PDE7B: variants seen among roughly 807,000 people sequenced by gnomAD.
PDE7B encodes phosphodiesterase 7B, also known as 3',5'-cyclic-AMP phosphodiesterase 7B.
PDE7B carries 29 observed loss-of-function variants against 56.2 expected under a neutral mutation model. That is an observed-to-expected ratio of 0.52 (90% confidence interval 0.38 to 0.70). The LOEUF is 0.70. Ranked by LOEUF, PDE7B falls within the 30% of genes least tolerant of loss-of-function variation. The probability of loss-of-function intolerance (pLI) is 0.00; values close to 1 mark genes in which losing one functional copy is unlikely to be tolerated. For missense variants in PDE7B, 490 were observed against 565.0 expected (o/e 0.87, Z 1.35); for synonymous variants, 197 against 196.9 (o/e 1.00, Z 0.00).
chr6:135,922,468 C>T (rs1205368342), intron 1 of PDE7B, among the ~76,000 whole-genome samples: 1 of 152,146 alleles, frequency 6.6e-6, no homozygotes, highest in South Asian at 2.1e-4. Context: ...AAAACAAAAA[C>T]CAGTCTGGGT....
At chr6:136,182,651 T>C (rs1459700590) in intron 11 of PDE7B, among the ~76,000 whole-genome samples, 1 of 152,218 alleles carries the variant, frequency 6.6e-6, no homozygotes, top group Non-Finnish European at 1.5e-5. Context: ...TTGCACCTTA[T>C]TTGGATTCTG....
rs548365734 is a variant in PDE7B, at chr6:135,933,040, GC to G, written c.22-14423del. Among the ~76,000 whole-genome samples, 32 of 152,226 alleles carry G rather than the reference GC, an allele frequency of 2.1e-4. No homozygotes were observed. In the East Asian group the frequency reaches 5.8e-3, roughly 28 times the overall value. The stretch of plus-strand genomic sequence containing the variant: ...TGTTATCTCATTTGATCTCTTAGGG[GC>G]TCTGTCTCCATGGTTTTTGGTGAAA... On this transcript the variant is annotated intron_variant, in intron 1 of 12. Transcript: ENST00000308191.
chr6:136,037,283 C>A, intron 2 of PDE7B: 1 of 313,660 alleles, frequency 3.2e-6, no homozygotes, highest in Non-Finnish European at 4.6e-6. Context: ...TGCCCATACG[C>A]ATGAGGATCT....
rs192655908 is a variant in PDE7B, at chr6:136,057,902, A to G, written c.83-50829A>G. The stretch of plus-strand genomic sequence containing the variant: ...CAGGCGTGCACCACCTCGCCTGACT[A>G]ATTTTTTTATTTTTAGTAGAGACGG... On this transcript the variant is annotated intron_variant, in intron 2 of 12. Coordinates refer to ENST00000308191, the MANE Select transcript of PDE7B (RefSeq NM_018945.4). Among the ~76,000 whole-genome samples, 1,241 of 152,038 alleles carry G rather than the reference A, an allele frequency of 8.2e-3. 3 individuals carry two copies. Among genetic ancestry groups the G allele is most frequent in the Admixed American group, 0.013 (203 of 15,264 alleles).
At chr6:136,114,309 T>G (rs1348813409) in intron 3 of PDE7B, among the ~76,000 whole-genome samples, 1 of 152,204 alleles carries the variant, frequency 6.6e-6, no homozygotes, top group African/African-American at 2.4e-5. Flanking sequence ...TTTTAACCTT[T>G]CTATGAAGAA....
intron 1 of PDE7B, among the ~76,000 whole-genome samples, chr6:135,945,859 G>A (rs1246360803): frequency 6.6e-6 from 1 of 152,122 alleles, no homozygotes; most frequent in Non-Finnish European, 1.5e-5. Context: ...GAGATGTATT[G>A]TACAAAGGGC....
intron 1 of PDE7B, among the ~76,000 whole-genome samples, chr6:135,922,404 T>G (rs1774100558): frequency 6.6e-6 from 1 of 152,160 alleles, no homozygotes; most frequent in Non-Finnish European, 1.5e-5. Flanking sequence ...GTACTGTGAA[T>G]TCCCAAGGGG....
At chr6:136,063,362 A>T (rs1776875969) in intron 2 of PDE7B, among the ~76,000 whole-genome samples, 1 of 152,196 alleles carries the variant, frequency 6.6e-6, no homozygotes, top group Non-Finnish European at 1.5e-5. Flanking sequence ...TTGAGGTTAA[A>T]AGTAAACCAC....
chr6:136,131,753 A>C (rs565499727), intron 3 of PDE7B, among the ~76,000 whole-genome samples: 6 of 152,286 alleles, frequency 3.9e-5, no homozygotes, highest in Admixed American at 3.3e-4. Context: ...TTAATACTTC[A>C]TTTGTACATT....
chr6:136,175,645 T>G lies in PDE7B; in HGVS notation c.803+1757T>G, dbSNP rs181577334. Among the ~76,000 whole-genome samples the G allele has an allele frequency of 9.1e-4, 138 of 152,288 alleles. 1 individual carries two copies. Among genetic ancestry groups the G allele is most frequent in the African/African-American group, 3.2e-3 (132 of 41,576 alleles). Reference sequence around the variant, plus strand: ...GAAATTTTTTATTTACAATAAAGACTTTTTTCCAAATCATTAAACCTGTTA... The same window carrying G: ...GAAATTTTTTATTTACAATAAAGACGTTTTTCCAAATCATTAAACCTGTTA... On this transcript the variant is annotated intron_variant, in intron 9 of 12. Transcript: ENST00000308191.
chr6:136,158,579 C>T (rs956918716), intron 8 of PDE7B, among the ~76,000 whole-genome samples: 2 of 152,188 alleles, frequency 1.3e-5, no homozygotes, highest in African/African-American at 4.8e-5. Context: ...CATTGCATAA[C>T]ATCCAGCCTG....
intron 1 of PDE7B, among the ~76,000 whole-genome samples, chr6:135,943,860 C>A (rs1317559525): frequency 6.6e-6 from 1 of 152,226 alleles, no homozygotes; most frequent in East Asian, 1.9e-4. Flanking sequence ...ACATTACACA[C>A]ATGAATTCAT....
chr6:136,054,414 ATC>A (rs1776691766), intron 2 of PDE7B, among the ~76,000 whole-genome samples: 4 of 152,164 alleles, frequency 2.6e-5, no homozygotes, highest in African/African-American at 7.2e-5. Flanking sequence ...ATTGGTCTAT[ATC>A]TCTGTTTTGG....
At chr6:135,981,228 G>C (rs1775289112) in intron 2 of PDE7B, among the ~76,000 whole-genome samples, 1 of 142,078 alleles carries the variant, frequency 7.0e-6, no homozygotes, top group African/African-American at 2.6e-5. Context: ...GGTGGGAATT[G>C]AACAATGAGA....
intron 3 of PDE7B, among the ~76,000 whole-genome samples, chr6:136,118,536 A>G (rs1465664406): frequency 2.0e-5 from 3 of 152,254 alleles, no homozygotes; most frequent in Non-Finnish European, 4.4e-5. Context: ...CTACTATTAC[A>G]GATGAGGAAA....
chr6:136,057,849 G>A (rs1349927799), intron 2 of PDE7B, among the ~76,000 whole-genome samples: 1 of 152,110 alleles, frequency 6.6e-6, no homozygotes, highest in African/African-American at 2.4e-5. Context: ...CAATTCTCCT[G>A]CCTCAGCCTC....
intron 2 of PDE7B, among the ~76,000 whole-genome samples, chr6:136,042,401 A>G (rs1277014979): frequency 6.6e-6 from 1 of 152,242 alleles, no homozygotes; most frequent in Admixed American, 6.5e-5. Flanking sequence ...TTGGAATTCA[A>G]CCAAATAACC....
At chr6:135,913,357 T>A (rs1234400641) in intron 1 of PDE7B, among the ~76,000 whole-genome samples, 2 of 152,128 alleles carry the variant, frequency 1.3e-5, no homozygotes, top group African/African-American at 4.8e-5. Context: ...TGCTGCCACC[T>A]CACCTGCTTG....
chr6:136,181,213 C>G lies in PDE7B; in HGVS notation c.949-14C>G, dbSNP rs1479467078. The G allele has an allele frequency of 6.3e-7, 1 of 1,595,910 alleles. No homozygotes were observed. The highest frequency in any genetic ancestry group is 2.2e-5 in the East Asian group (1 of 44,786). ...CATCCTCTCACAATTTCTCCCCGCCCTGTCATTTCTCAGATCGCCTTGAAG... is the reference window on the plus strand; with the variant it reads ...CATCCTCTCACAATTTCTCCCCGCCGTGTCATTTCTCAGATCGCCTTGAAG... On this transcript the variant is annotated splice_polypyrimidine_tract_variant and intron_variant, in intron 10 of 12. Transcript: ENST00000308191.
Sources: gnomAD v4.1 joint callset for allele counts (sites outside exome capture counted in the v4.1 genomes callset) on GRCh38, gnomAD v4.1.1 for gene constraint, MANE v1.5 for transcripts, NCBI Gene and HGNC (gene_info 2026-07-23, HGNC 2026-07-21) for gene names.